Variants in DNAJC1 observed in about 807,000 individuals in gnomAD.
The protein encoded by DNAJC1 is DnaJ heat shock protein family (Hsp40) member C1.
Under a neutral mutation model 76.6 loss-of-function variants are expected in DNAJC1, and 58 were observed. The observed-to-expected ratio is 0.76, with a 90% CI of 0.61 to 0.94. DNAJC1 has a LOEUF of 0.94. Among genes scored for constraint, DNAJC1 ranks in the 40% least tolerant of loss-of-function variants. DNAJC1 has a pLI of 0.00. For synonymous variants in DNAJC1, 258 were observed against 267.9 expected, an observed-to-expected ratio of 0.96 and a Z score of 0.36; for missense variants, 689 against 677.3, an observed-to-expected ratio of 1.02 and a Z score of -0.19.
intron 1 of DNAJC1, among the ~76,000 whole-genome samples, chr10:21,982,658 G>C (rs1353230395): frequency 6.6e-6 from 1 of 151,344 alleles, no homozygotes; most frequent in Non-Finnish European, 1.5e-5. Context: ...GTAGTCACTA[G>C]GGAAATGCAA....
chr10:21,831,729 G>A (rs886457740), intron 8 of DNAJC1, among the ~76,000 whole-genome samples: 1 of 147,276 alleles, frequency 6.8e-6, no homozygotes, highest in African/African-American at 2.5e-5. Flanking sequence ...GGTGGAGCTT[G>A]TAGTGAGCTG....
chr10:21,966,413 T>G (rs1837889530), intron 1 of DNAJC1, among the ~76,000 whole-genome samples: 2 of 141,876 alleles, frequency 1.4e-5, no homozygotes, highest in African/African-American at 5.3e-5. Flanking sequence ...CAGTAAATGC[T>G]GGGGTGTTTA....
chr10:22,003,108 G>C, intron 1 of DNAJC1, 105 bp downstream of exon 1: 1 of 1,340,138 alleles, frequency 7.5e-7, no homozygotes, highest in Non-Finnish European at 9.6e-7. Context: ...CAGAGCCCGG[G>C]GTGACCAAGC....
intron 9 of DNAJC1, among the ~76,000 whole-genome samples, chr10:21,791,297 C>T (rs535625841): frequency 6.6e-6 from 1 of 152,280 alleles, no homozygotes; most frequent in African/African-American, 2.4e-5. Context: ...CAGTTGGGAA[C>T]TTTGACACCC....
intron 1 of DNAJC1, among the ~76,000 whole-genome samples, chr10:21,995,091 T>C (rs1306676062): frequency 6.6e-6 from 1 of 151,880 alleles, no homozygotes; most frequent in African/African-American, 2.4e-5. Flanking sequence ...GCCAATAAGA[T>C]TTGCAATTAA....
At chr10:21,906,877 G>A (rs552758197) in intron 6 of DNAJC1, among the ~76,000 whole-genome samples, 2 of 152,236 alleles carry the variant, frequency 1.3e-5, no homozygotes, top group African/African-American at 4.8e-5. Flanking sequence ...ATGTATGTTA[G>A]CTATTTTTAT....
intron 7 of DNAJC1, among the ~76,000 whole-genome samples, chr10:21,892,924 C>T (rs572815082): frequency 2.0e-5 from 3 of 152,140 alleles, no homozygotes; most frequent in South Asian, 2.1e-4. Flanking sequence ...TTTATAATTA[C>T]AGTCAAAAAG....
At chr10:21,922,650 A>G (rs973014373) in intron 3 of DNAJC1, among the ~76,000 whole-genome samples, 35 of 152,020 alleles carry the variant, frequency 2.3e-4, no homozygotes, top group African/African-American at 7.5e-4. Context: ...TATCTTATAA[A>G]TACTGATTCA....
At chr10:21,808,368 A>G (rs1320773970) in intron 8 of DNAJC1, among the ~76,000 whole-genome samples, 32 of 152,194 alleles carry the variant, frequency 2.1e-4, no homozygotes, top group Non-Finnish European at 3.1e-4. Context: ...GTGTAAAAGC[A>G]TAGTAGTTTT....
At position 21,770,521 on chromosome 10, in the gene DNAJC1, A is replaced by G. The variant is rs1459496768; in HGVS notation, c.1099-4212T>C. ...CAAGTGATTCTCCCACCTCAGCCTC[A>G]CAAGTAACTGGGACTACAGGCATGT... On this transcript the variant is annotated intron_variant, in intron 9 of 11. Transcript: ENST00000376980. Among the ~76,000 whole-genome samples the G allele has an allele frequency of 2.7e-5, 4 of 149,748 alleles. No individual in the cohort carries two copies. The East Asian group carries it at 8.0e-4, about 30-fold the overall frequency.
chr10:21,974,250 G>A (rs1373009466), intron 1 of DNAJC1, among the ~76,000 whole-genome samples: 9 of 152,118 alleles, frequency 5.9e-5, no homozygotes, highest in Admixed American at 5.9e-4. Context: ...TAAACAAAAT[G>A]GAATTTTCAC....
In DNAJC1 at chr10:21,918,829, G is replaced by C. The variant is rs761629189; in HGVS notation, c.679C>G (p.Leu227Val). ...AGTGTAAGGCAAAACCAAATCCCCA[G>C]TTTGCATGGAAGCAAATCATGCCAC... Reference protein sequence around the residue: ...PQWHDLLPCKLGIWFCLTLKA... With the variant: ...PQWHDLLPCKVGIWFCLTLKA... The change falls in exon 6 of 12, where the codon CTG (leucine) becomes GTG (valine). Residue 227 changes from leucine (L) to valine (V), a missense_variant. Transcript: ENST00000376980. 6.2e-7 allele frequency: 1 copy of C among 1,613,238 alleles called. No homozygotes were observed. Among genetic ancestry groups the C allele is most frequent in the East Asian group, 2.2e-5 (1 of 44,820 alleles).
intron 9 of DNAJC1, among the ~76,000 whole-genome samples, chr10:21,781,447 C>T (rs1009589671): frequency 8.5e-5 from 13 of 152,262 alleles, no homozygotes; most frequent in South Asian, 2.1e-4. Context: ...ACTCGCCGGG[C>T]GCGGTGGCTC....
chr10:21,807,028 G>A (rs1418392060), intron 8 of DNAJC1, among the ~76,000 whole-genome samples: 1 of 152,010 alleles, frequency 6.6e-6, no homozygotes, highest in Non-Finnish European at 1.5e-5. Flanking sequence ...TTACACTTTA[G>A]TACTGAACTA....
At chr10:21,916,554 C>T (rs953132916) in intron 6 of DNAJC1, among the ~76,000 whole-genome samples, 38 of 152,094 alleles carry the variant, frequency 2.5e-4, no homozygotes, top group Admixed American at 2.3e-3. Context: ...ATAAAGTACA[C>T]GTTTTAAAAG....
At chr10:21,825,650 A>G (rs929247027) in intron 8 of DNAJC1, among the ~76,000 whole-genome samples, 6 of 152,202 alleles carry the variant, frequency 3.9e-5, no homozygotes, top group African/African-American at 1.4e-4. Context: ...CTCACTAGCA[A>G]TGTATGAGGA....
At chr10:21,842,728 G>A (rs571311428) in intron 8 of DNAJC1, among the ~76,000 whole-genome samples, 1 of 152,302 alleles carries the variant, frequency 6.6e-6, no homozygotes, top group East Asian at 1.9e-4. Flanking sequence ...AGTACAGTTT[G>A]TGAGAAAATT....
At chr10:21,887,607 G>C (rs779984934) in intron 7 of DNAJC1, among the ~76,000 whole-genome samples, 1 of 152,052 alleles carries the variant, frequency 6.6e-6, no homozygotes, top group Non-Finnish European at 1.5e-5. Flanking sequence ...TCTGACTTTT[G>C]ACAAAGCTGA....
chr10:21,972,459 A>G (rs1010413181), intron 1 of DNAJC1, among the ~76,000 whole-genome samples: 5 of 152,180 alleles, frequency 3.3e-5, no homozygotes, highest in African/African-American at 1.2e-4. Flanking sequence ...ATGCAACAAT[A>G]TAACTTTCTT....
Sources: gnomAD v4.1 joint callset for allele counts (sites outside exome capture counted in the v4.1 genomes callset) on GRCh38, gnomAD v4.1.1 for gene constraint, MANE v1.5 for transcripts, NCBI Gene and HGNC (gene_info 2026-07-23, HGNC 2026-07-21) for gene names.